The following MCFD2 variants were observed in gnomAD, a reference collection of about 807,000 sequenced individuals.
MCFD2 encodes the protein multiple coagulation factor deficiency protein 2.
A neutral mutation model predicts 12.8 loss-of-function variants in MCFD2; 11 were observed. That is an observed-to-expected ratio of 0.86 (90% CI 0.54 to 1.42). The LOEUF (loss-of-function observed/expected upper bound fraction) is 1.42. Among genes scored for constraint, MCFD2 ranks in the 40% most tolerant of loss-of-function variants. MCFD2 has a pLI of 0.00. For missense variants in MCFD2, 191 were observed against 178.6 expected, an observed-to-expected ratio of 1.07 and a Z score of -0.40; for synonymous variants, 70 against 68.1, an observed-to-expected ratio of 1.03 and a Z score of -0.14.
At chr2:46,922,411 T>C (rs2103807517) in intron 1 of MCFD2, among the ~76,000 whole-genome samples, 1 of 152,336 alleles carries the variant, frequency 6.6e-6, no homozygotes, top group Admixed American at 6.5e-5. Flanking sequence ...TGTTTGCTTC[T>C]ATCTGCCTGC....
chr2:46,936,495 T>G (rs964698701), intron 1 of MCFD2, among the ~76,000 whole-genome samples: 2 of 152,118 alleles, frequency 1.3e-5, no homozygotes, highest in Non-Finnish European at 2.9e-5. Context: ...AGGATTACAG[T>G]TGGAAAAGGT....
Position 46,933,742 on chromosome 2 carries a change from G to T in MCFD2, c.-8+7830C>A, listed in dbSNP as rs372805212. Among the ~76,000 whole-genome samples, 17 of 152,362 alleles carry T rather than the reference G, an allele frequency of 1.1e-4. 1 individual carries two copies. The South Asian group carries it at 3.5e-3, about 32-fold the overall frequency. ...TGTGCTCTACTTCGCATATACTGAT[G>T]ATCTGAGTGGCTGAAATGACTGTTG... On this transcript the variant is annotated intron_variant, in intron 1 of 2. Transcript: ENST00000409147.
Position 46,907,986 on chromosome 2 carries a change from A to G in MCFD2, c.150-17T>C. ...ATGATATGCCTAAAAATCAACAGTC[A>G]GGTTCAGGCCAATTGACAGATACTG... On this transcript the variant is annotated splice_polypyrimidine_tract_variant and intron_variant, in intron 2 of 3. Transcript: ENST00000319466. The surrounding 1 kb of genome is among the most constrained non-coding windows in gnomAD (Gnocchi z 4.1). 1.2e-6 allele frequency: 2 copies of G among 1,613,936 alleles called. No individual in the cohort carries two copies. The highest frequency in any genetic ancestry group is 2.2e-5 in the South Asian group (2 of 91,078).
At chr2:46,915,319 A>G (rs1013531420) in intron 1 of MCFD2, among the ~76,000 whole-genome samples, 1 of 152,202 alleles carries the variant, frequency 6.6e-6, no homozygotes, top group African/African-American at 2.4e-5. Context: ...ACAGGAGATC[A>G]GCTTCCCCCG....
chr2:46,905,675 T>A, intron 3 of MCFD2, 81 bp from the exon 4 acceptor site: 1 of 1,281,806 alleles, frequency 7.8e-7, no homozygotes, highest in East Asian at 2.3e-5. Context: ...ATATCCATGT[T>A]CTTTCATGGC....
At chr2:46,922,596 T>C (rs934560155) in intron 1 of MCFD2, among the ~76,000 whole-genome samples, 7 of 152,190 alleles carry the variant, frequency 4.6e-5, no homozygotes, top group Non-Finnish European at 7.3e-5. Flanking sequence ...TGTTTCTCTG[T>C]GCATCTCTGC....
chr2:46,912,811 C>T (rs1029093377), intron 1 of MCFD2, among the ~76,000 whole-genome samples: 8 of 152,222 alleles, frequency 5.3e-5, no homozygotes, highest in Non-Finnish European at 1.0e-4. Flanking sequence ...GTGCCTGGAA[C>T]AGAAGCTGCT....
intron 1 of MCFD2, among the ~76,000 whole-genome samples, chr2:46,910,029 G>A (rs1311549735): frequency 1.3e-5 from 2 of 152,148 alleles, no homozygotes; most frequent in Admixed American, 1.3e-4. Flanking sequence ...CTGCGGCAGC[G>A]GACAAGGTTC....
rs986892633 is a variant in MCFD2 at position 46,902,729 on chromosome 2, G to A, written c.*2734C>T. The A allele has an allele frequency of 6.6e-6, 1 of 152,336 alleles. No individual in the cohort carries two copies. Among genetic ancestry groups the A allele is most frequent in the African/African-American group, 2.4e-5 (1 of 41,444 alleles). 9.4% of individuals were successfully genotyped at this position (152,336 alleles called of 1,614,324 possible). On this transcript the variant is annotated 3_prime_UTR_variant, in exon 4 of 4. Transcript: ENST00000319466. ...ATTCTTATGCTGTGGCTTTGAAATA[G>A]CCTAATAAATATCCACTTGCCCAGA...
chr2:46,915,806 G>GGGGGGGGGGGGGGGGCCCC (rs1558467322), upstream of MCFD2: 1 of 512,580 alleles, frequency 2.0e-6, no homozygotes, highest in Non-Finnish European at 2.1e-6. Flanking sequence ...CCTCGGCTTC[G>GGGGGGGGGGGGGGGGCCCC]CCCCGCCCCC....
chr2:46,930,280 A>T (rs1014017997), intron 1 of MCFD2, among the ~76,000 whole-genome samples: 2 of 151,232 alleles, frequency 1.3e-5, no homozygotes, highest in Non-Finnish European at 2.9e-5. Flanking sequence ...ATCAAGAAAA[A>T]TTTTAAAAAG....
rs2103887947 is a variant in MCFD2, at chr2:46,941,622, C to T, written c.-58G>A. 1 of 1,555,946 alleles carries T rather than the reference C, an allele frequency of 6.4e-7. No individual in the cohort carries two copies. The highest frequency in any genetic ancestry group is 8.7e-7 in the Non-Finnish European group (1 of 1,150,312). ...GCTGCCGCGCCGAGGGCCACTGGGA[C>T]CGCATGCCGGAGCTGGTCCGGCAGC... is the stretch of plus-strand genomic sequence containing the variant. On this transcript the variant is annotated 5_prime_UTR_variant, in exon 1 of 3. Coordinates refer to the MCFD2 transcript ENST00000409147. This position sits in a 1 kb window ranked among gnomAD's most constrained non-coding sequence, Gnocchi z 4.2.
At position 46,903,992 on chromosome 2, in the gene MCFD2, G is replaced by C. The variant is rs1668114373; in HGVS notation, c.*1471C>G. ...ACATGTGTGTGCAGCCTAGGGACTT[G>C]GTGTCTTGTGTCCCAGCCACTCCAG... On this transcript the variant is annotated 3_prime_UTR_variant, in exon 4 of 4. Coordinates refer to ENST00000319466, the MANE Select transcript of MCFD2 (RefSeq NM_139279.6). 1 of 152,160 alleles carries C rather than the reference G, an allele frequency of 6.6e-6. No homozygotes were observed. The highest frequency in any genetic ancestry group is 6.5e-5 in the Admixed American group (1 of 15,280). The allele number at this position is 152,160 out of a possible 1,614,324, so 9.4% of individuals were successfully genotyped here.
chr2:46,927,809 G>A (rs1383137526), intron 1 of MCFD2, among the ~76,000 whole-genome samples: 10 of 149,978 alleles, frequency 6.7e-5, no homozygotes, highest in African/African-American at 9.8e-5. Context: ...AAGAGTAAAC[G>A]TGAGAAGACA....
Position 46,941,812 on chromosome 2 carries a change from C to T in MCFD2, c.-248G>A. The T allele has an allele frequency of 2.7e-6, 4 of 1,504,982 alleles. No individual in the cohort carries two copies. The highest frequency in any genetic ancestry group is 2.3e-4 in the Middle Eastern group (1 of 4,282). 93.2% of individuals were successfully genotyped at this position (1,504,982 alleles called of 1,614,324 possible). ...GGAAGCGCGCCCAGACAGTCCTCGG[C>T]CGACAGCGGGCGCCTGCCAGCCCAC... On this transcript the variant is annotated 5_prime_UTR_variant, in exon 1 of 3. Transcript: ENST00000409147. The surrounding 1 kb of genome is among the most constrained non-coding windows in gnomAD (Gnocchi z 4.2).
At position 46,902,262 on chromosome 2, in the gene MCFD2, T is replaced by G. The variant is rs1668044556; in HGVS notation, c.*3201A>C. Reference sequence around the variant, plus strand: ...TTTCCTGATTTGAAAAGAATCCATGTATCTAGGCTAAAAGAGGTAACTTCA... The same window carrying G: ...TTTCCTGATTTGAAAAGAATCCATGGATCTAGGCTAAAAGAGGTAACTTCA... On this transcript the variant is annotated 3_prime_UTR_variant, in exon 4 of 4. Transcript: ENST00000319466. The G allele has an allele frequency of 6.6e-6, 1 of 152,666 alleles. No homozygotes were observed. The highest frequency in any genetic ancestry group is 1.5e-5 in the Non-Finnish European group (1 of 68,044). 9.5% of individuals were successfully genotyped at this position (152,666 alleles called of 1,614,324 possible). A position where few individuals can be genotyped will look rare whatever the true frequency, so the allele number is the denominator to read the frequency against.
At chr2:46,925,679 C>T (rs1281658707) in intron 1 of MCFD2, among the ~76,000 whole-genome samples, 7 of 152,252 alleles carry the variant, frequency 4.6e-5, no homozygotes, top group African/African-American at 1.7e-4. Context: ...TTCTCCCCTG[C>T]CACCTCCCCC....
At chr2:46,906,775 A>G (rs991299427) in intron 3 of MCFD2, 2 of 152,428 alleles carry the variant, frequency 1.3e-5, no homozygotes, top group African/African-American at 2.4e-5. Context: ...GGCATGAGCC[A>G]CTGTGCTTAG....
intron 1 of MCFD2, among the ~76,000 whole-genome samples, chr2:46,926,794 C>T (rs756724127): frequency 1.3e-5 from 2 of 152,192 alleles, no homozygotes; most frequent in East Asian, 1.9e-4. Context: ...GAGCAATCAA[C>T]GGACCTCCAC....
Sources: allele counts gnomAD v4.1 joint callset (sites outside exome capture counted in the v4.1 genomes callset), GRCh38; gene constraint gnomAD v4.1.1; non-coding constraint Gnocchi (gnomAD v3.1); transcripts MANE v1.5; gene names NCBI Gene and HGNC (gene_info 2026-07-23, HGNC 2026-07-21).